Variants in KRT8 observed in about 807,000 individuals in gnomAD.
KRT8 encodes keratin, type II cytoskeletal 8.
Under a neutral mutation model 43.0 loss-of-function variants are expected in KRT8, and 24 were observed. The ratio of observed to expected loss-of-function variants is 0.56; its 90% CI spans 0.40 to 0.78. The LOEUF (loss-of-function observed/expected upper bound fraction) is 0.78. Among genes scored for constraint, KRT8 ranks in the 30% least tolerant of loss-of-function variants. The pLI, the probability that KRT8 is intolerant of heterozygous loss-of-function variation, is 0.00. For missense variants in KRT8, 492 were observed against 638.4 expected (o/e 0.77, Z 2.47); for synonymous variants, 214 against 261.2 (o/e 0.82, Z 1.74).
At chr12:52,918,624 AAG>A (rs1941826259) in intron 2 of KRT8, among the ~76,000 whole-genome samples, 1 of 152,242 alleles carries the variant, frequency 6.6e-6, no homozygotes, top group Non-Finnish European at 1.5e-5. Context: ...TAATGGTGTT[AAG>A]AGTTACTTCA....
chr12:52,905,200 G>A (rs975821236), upstream of KRT8: 6 of 793,488 alleles, frequency 7.6e-6, no homozygotes, highest in African/African-American at 1.0e-4. Context: ...GGACTCAGGT[G>A]GGGGCAGCAG....
chr12:52,945,972 C>G (rs1391244714), intron 2 of KRT8, among the ~76,000 whole-genome samples: 1 of 152,116 alleles, frequency 6.6e-6, no homozygotes, highest in African/African-American at 2.4e-5. Flanking sequence ...GTGAAAAAGC[C>G]CTGAGCCACA....
chr12:52,906,818 G>T, upstream of KRT8: 1 of 455,344 alleles, frequency 2.2e-6, no homozygotes, highest in South Asian at 1.6e-5. Flanking sequence ...GAGGACAGAT[G>T]TACAGTTTCT....
At chr12:52,926,491 T>G (rs1475477308) in intron 2 of KRT8, 9 of 1,532,844 alleles carry the variant, frequency 5.9e-6, no homozygotes, top group Non-Finnish European at 7.9e-6. Context: ...ATCAGGCACC[T>G]CCCCACAAAG....
chr12:52,949,509 C>T (rs757921931), exon 2 of KRT8: 1 of 1,613,580 alleles, frequency 6.2e-7, no homozygotes, highest in Non-Finnish European at 8.5e-7. Flanking sequence ...AGAGCAAAAT[C>T]CGGGAGCACT....
chr12:52,949,046 C>G, intron 2 of KRT8: 1 of 896,286 alleles, frequency 1.1e-6, no homozygotes, highest in Admixed American at 2.0e-5. Flanking sequence ...GTGGCTCCGG[C>G]TTCCGAAGCG....
At chr12:52,935,154 A>G (rs1942146769) in intron 2 of KRT8, among the ~76,000 whole-genome samples, 1 of 150,614 alleles carries the variant, frequency 6.6e-6, no homozygotes, top group Non-Finnish European at 1.5e-5. Context: ...GCCAAGGCAG[A>G]TTGATCACCT....
intron 3 of KRT8, 135 bp from the exon 4 acceptor site, chr12:52,900,818 G>C: frequency 2.9e-6 from 2 of 698,912 alleles, no homozygotes; most frequent in South Asian, 1.5e-5. Context: ...TTCCAGCCCA[G>C]CCTCTGCCCA....
intron 2 of KRT8, among the ~76,000 whole-genome samples, chr12:52,935,050 G>C (rs1211468660): frequency 1.3e-5 from 2 of 149,606 alleles, no homozygotes; most frequent in Non-Finnish European, 3.0e-5. Context: ...AAATACTCCA[G>C]CATGGGAAAC....
At chr12:52,933,005 G>A (rs1296466214) in intron 2 of KRT8, among the ~76,000 whole-genome samples, 2 of 152,032 alleles carry the variant, frequency 1.3e-5, no homozygotes, top group Non-Finnish European at 2.9e-5. Context: ...GTGCAGTGGC[G>A]CGATCTCAGC....
intron 2 of KRT8, chr12:52,926,452 C>T (rs776772674): frequency 3.5e-5 from 54 of 1,534,666 alleles, no homozygotes; most frequent in African/African-American, 1.2e-4. Context: ...CCATTCATTC[C>T]GCAAACATTT....
intron 2 of KRT8, among the ~76,000 whole-genome samples, chr12:52,943,177 G>A (rs1032837986): frequency 6.6e-6 from 1 of 152,198 alleles, no homozygotes; most frequent in East Asian, 1.9e-4. Flanking sequence ...CCTAACAACC[G>A]CTTGGCCTCC....
chr12:52,907,564 T>C (rs1429543958), upstream of KRT8, among the ~76,000 whole-genome samples: 1 of 152,126 alleles, frequency 6.6e-6, no homozygotes, highest in African/African-American at 2.4e-5. Flanking sequence ...GTCCCTTGTT[T>C]AAGGTGAGGA....
intron 5 of KRT8, among the ~76,000 whole-genome samples, chr12:52,899,388 C>G (rs1028354743): frequency 1.8e-4 from 28 of 152,132 alleles, no homozygotes; most frequent in African/African-American, 6.5e-4. Context: ...GGTGCTTCCC[C>G]TCCACACCCT....
At chr12:52,899,316 A>G (rs1941303135) in intron 5 of KRT8, among the ~76,000 whole-genome samples, 1 of 152,068 alleles carries the variant, frequency 6.6e-6, no homozygotes, top group Non-Finnish European at 1.5e-5. Context: ...CTCTGTCTCA[A>G]AAATAAATAA....
intron 2 of KRT8, among the ~76,000 whole-genome samples, chr12:52,925,393 C>A (rs1211298775): frequency 6.6e-6 from 1 of 152,168 alleles, no homozygotes; most frequent in Non-Finnish European, 1.5e-5. Context: ...CCGAAGCATA[C>A]CTAAAACTGT....
At chr12:52,932,807 A>G (rs1942106118) in intron 2 of KRT8, among the ~76,000 whole-genome samples, 1 of 151,172 alleles carries the variant, frequency 6.6e-6, no homozygotes, top group African/African-American at 2.4e-5. Context: ...GTCTATAATA[A>G]AAAAAAAACA....
chr12:52,940,635 T>C (rs1366425695), intron 2 of KRT8, among the ~76,000 whole-genome samples: 1 of 150,388 alleles, frequency 6.6e-6, no homozygotes, highest in Admixed American at 6.6e-5. Context: ...ATTTTTTTTT[T>C]TTTTTTTTGA....
At chr12:52,916,055 T>C (rs1941734292) in intron 2 of KRT8, among the ~76,000 whole-genome samples, 1 of 152,150 alleles carries the variant, frequency 6.6e-6, no homozygotes, top group African/African-American at 2.4e-5. Flanking sequence ...GATAAGCCAC[T>C]GGACAGGAGC....
Sources: allele counts gnomAD v4.1 joint callset (sites outside exome capture counted in the v4.1 genomes callset), GRCh38; gene constraint gnomAD v4.1.1; transcripts MANE v1.5; gene names NCBI Gene and HGNC (gene_info 2026-07-23, HGNC 2026-07-21).